Variants in PIN4 observed in about 807,000 individuals in gnomAD.
The protein encoded by PIN4 is peptidyl-prolyl cis-trans isomerase NIMA-interacting 4.
Under a neutral mutation model 8.3 loss-of-function variants are expected in PIN4, and 3 were observed. The ratio of observed to expected loss-of-function variants is 0.36; its 90% CI spans 0.16 to 0.93. PIN4 has a LOEUF of 0.93. PIN4 is among the 40% of genes least tolerant of loss of function. The probability of loss-of-function intolerance (pLI) is 0.44; values close to 1 mark genes in which losing one functional copy is unlikely to be tolerated. For missense variants in PIN4, 75 were observed against 100.6 expected (o/e 0.75, Z 1.09); for synonymous variants, 18 against 32.5 (o/e 0.55, Z 1.52).
At chrX:72,220,452 A>G (rs934294387) in intron 3 of PIN4, among the ~76,000 whole-genome samples, 3 of 111,442 alleles carry the variant, frequency 2.7e-5, no homozygotes, top group African/African-American at 6.5e-5. Context: ...ATAAAAAACC[A>G]CCTAAATCTA....
At chrX:72,244,102 G>A (rs1190661677) in intron 3 of PIN4, among the ~76,000 whole-genome samples, 1 of 112,139 alleles carries the variant, frequency 8.9e-6, no homozygotes, top group Non-Finnish European at 1.9e-5. Context: ...TTTACAAGAT[G>A]GTCACGTAAG....
intron 3 of PIN4, among the ~76,000 whole-genome samples, chrX:72,235,929 T>C (rs1440501022): frequency 1.8e-5 from 2 of 111,601 alleles, no homozygotes; most frequent in East Asian, 5.6e-4. Flanking sequence ...AGAAAAAAAA[T>C]AAGTTAAAGT....
At chrX:72,201,063 G>T (rs900344560), downstream of PIN4, among the ~76,000 whole-genome samples, 3 of 110,869 alleles carry the variant, frequency 2.7e-5, no homozygotes, top group African/African-American at 9.8e-5. Flanking sequence ...GCTGGGCATT[G>T]TGGTGTGTGC....
chrX:72,235,176 AGGTCTCACT>A (rs1025597475), intron 3 of PIN4, among the ~76,000 whole-genome samples: 1 of 111,869 alleles, frequency 8.9e-6, no homozygotes, highest in Non-Finnish European at 1.9e-5. Context: ...AGTCTGACAC[AGGTCTCACT>A]GGGCTAAAAT....
chrX:72,209,273 T>C (rs1313439531), intron 3 of PIN4, among the ~76,000 whole-genome samples: 1 of 111,750 alleles, frequency 8.9e-6, no homozygotes, highest in Non-Finnish European at 1.9e-5. Flanking sequence ...CTCCCACCTA[T>C]GTGCTCATGA....
chrX:72,203,061 G>A (rs1364692289), downstream of PIN4, among the ~76,000 whole-genome samples: 1 of 111,498 alleles, frequency 9.0e-6, no homozygotes, highest in Non-Finnish European at 1.9e-5. Flanking sequence ...CTGCAGAGGG[G>A]AGAGGGGCTG....
downstream of PIN4, among the ~76,000 whole-genome samples, chrX:72,202,873 G>A (rs761059315): frequency 3.6e-5 from 4 of 111,284 alleles, no homozygotes; most frequent in East Asian, 1.1e-3. Flanking sequence ...TAAATATTTG[G>A]TCTTTGTCCC....
intron 3 of PIN4, among the ~76,000 whole-genome samples, chrX:72,253,192 C>G (rs1428231445): frequency 1.8e-5 from 2 of 111,887 alleles, no homozygotes; most frequent in African/African-American, 6.5e-5. Flanking sequence ...GCCCTGTTGG[C>G]TGTCTCCAAA....
chrX:72,261,616 A>G (rs1164375617), intron 3 of PIN4, among the ~76,000 whole-genome samples: 2 of 112,353 alleles, frequency 1.8e-5, no homozygotes, highest in African/African-American at 3.2e-5. Flanking sequence ...GAGAGAGGGC[A>G]TGTAACCTGC....
chrX:72,252,357 C>T (rs1434700718), intron 3 of PIN4, among the ~76,000 whole-genome samples: 1 of 108,874 alleles, frequency 9.2e-6, no homozygotes, highest in African/African-American at 3.4e-5. Context: ...TAGGCATGAG[C>T]CACTTAGTGC....
intron 3 of PIN4, among the ~76,000 whole-genome samples, chrX:72,248,687 G>A (rs1014067758): frequency 9.0e-6 from 1 of 111,697 alleles, no homozygotes; most frequent in Non-Finnish European, 1.9e-5. Flanking sequence ...GACCAGCCAG[G>A]CCAACATAGT....
intron 3 of PIN4, among the ~76,000 whole-genome samples, chrX:72,210,064 G>A (rs376120163): frequency 7.3e-5 from 8 of 108,930 alleles, no homozygotes; most frequent in Middle Eastern, 4.7e-3. Flanking sequence ...GCAACCAGAG[G>A]GGGGGAAGAG....
chrX:72,254,271 A>T (rs1286196013), intron 3 of PIN4, among the ~76,000 whole-genome samples: 1 of 111,426 alleles, frequency 9.0e-6, no homozygotes, highest in Admixed American at 9.5e-5. Context: ...GGCCAGTAAC[A>T]CTTTCCCCTA....
intron 3 of PIN4, among the ~76,000 whole-genome samples, chrX:72,254,910 G>A (rs1202502893): frequency 1.8e-5 from 2 of 111,646 alleles, no homozygotes; most frequent in Admixed American, 1.9e-4. Context: ...CTCTGCCCCT[G>A]CAGGATGAGC....
At position 72,182,324 on chromosome X, in the gene PIN4, C is replaced by G. The variant is rs151067111; in HGVS notation, c.43+496C>G. On this transcript the variant is annotated intron_variant, in intron 1 of 3. Transcript: ENST00000373669. ...TGGGAGGCCGAGGGAGGATGGATCA[C>G]GAGGTCAGGAGTTCGAGACCAGCTT... Among the ~76,000 whole-genome samples the G allele has an allele frequency of 6.0e-3, 670 of 111,247 alleles. 2 individuals are homozygous for G. Among genetic ancestry groups the G allele is most frequent in the African/African-American group, 0.021 (628 of 30,604 alleles).
chrX:72,187,506 A>G (rs1267232616), intron 2 of PIN4, among the ~76,000 whole-genome samples: 1 of 112,118 alleles, frequency 8.9e-6, no homozygotes, highest in African/African-American at 3.2e-5. Context: ...TTAATAAAAA[A>G]GTAAGAGATG....
At chrX:72,184,708 T>TA (rs58339628) in intron 1 of PIN4, among the ~76,000 whole-genome samples, 28,064 of 110,735 alleles carry the variant, frequency 0.25, 2,706 homozygotes, top group East Asian at 0.5. Context: ...CCTTTGGCAG[T>TA]AACATTTTTT....
rs774344950 is a variant in PIN4, at chrX:72,231,319, G to A, written c.313-31388G>A. On this transcript the variant is annotated intron_variant, in intron 3 of 3. Coordinates refer to the PIN4 transcript ENST00000423432. The stretch of plus-strand genomic sequence containing the variant: ...TTGCTAGGTGAAATAAACCAGGCAC[G>A]GAGAGACAAATACTCCATGATCTCG... 5.9e-4 allele frequency among the ~76,000 whole-genome samples: 66 copies of A among 111,606 alleles called. 1 individual carries two copies. Among genetic ancestry groups the A allele is most frequent in the Middle Eastern group, 4.6e-3 (1 of 218 alleles).
intron 3 of PIN4, among the ~76,000 whole-genome samples, chrX:72,230,817 TA>T (rs1202070531): frequency 1.2e-4 from 13 of 110,562 alleles, no homozygotes; most frequent in African/African-American, 4.3e-4. Flanking sequence ...TACAAAAAAT[TA>T]GCCAGGCATG....
Sources: gnomAD v4.1 joint callset for allele counts (sites outside exome capture counted in the v4.1 genomes callset) on GRCh38, gnomAD v4.1.1 for gene constraint, MANE v1.5 for transcripts, NCBI Gene and HGNC (gene_info 2026-07-23, HGNC 2026-07-21) for gene names.